The following FOXP2 variants were observed in gnomAD, a reference collection of about 807,000 sequenced individuals.
FOXP2 encodes forkhead box P2, also known as forkhead box protein P2.
In FOXP2, 12 loss-of-function variants were observed where a neutral mutation model predicts 115.8. That is an observed-to-expected ratio of 0.10 (90% confidence interval 0.07 to 0.17). The LOEUF (loss-of-function observed/expected upper bound fraction) is 0.17. Ranked by LOEUF, FOXP2 falls within the 10% of genes least tolerant of loss-of-function variation. FOXP2 has a pLI of 1.00. For synonymous variants in FOXP2, 328 were observed against 297.7 expected (o/e 1.10, Z -1.05); for missense variants, 629 against 843.5 (o/e 0.75, Z 3.15).
intron 3 of FOXP2, among the ~76,000 whole-genome samples, chr7:114,557,508 G>A (rs1800523045): frequency 6.6e-6 from 1 of 151,444 alleles, no homozygotes; most frequent in South Asian, 2.1e-4. Flanking sequence ...ATTTTTTTCT[G>A]ACTCCCAAAT....
intron 2 of FOXP2, among the ~76,000 whole-genome samples, chr7:114,463,786 T>A (rs1795685973): frequency 6.6e-6 from 1 of 152,112 alleles, no homozygotes; most frequent in African/African-American, 2.4e-5. Flanking sequence ...GAATGGTAAG[T>A]CCAGGTAAAA....
At chr7:114,236,076 T>C (rs1378046765) in intron 1 of FOXP2, among the ~76,000 whole-genome samples, 1 of 152,214 alleles carries the variant, frequency 6.6e-6, no homozygotes, top group Non-Finnish European at 1.5e-5. Flanking sequence ...TCCCTGCACA[T>C]AGAAACTGCT....
chr7:114,211,154 C>G (rs765398239), intron 1 of FOXP2, among the ~76,000 whole-genome samples: 13 of 152,184 alleles, frequency 8.5e-5, no homozygotes, highest in Non-Finnish European at 1.9e-4. Flanking sequence ...AATTGGGGTC[C>G]ACAGAACAAC....
At chr7:114,140,340 A>C (rs571090081) in intron 1 of FOXP2, among the ~76,000 whole-genome samples, 111 of 152,266 alleles carry the variant, frequency 7.3e-4, no homozygotes, top group African/African-American at 2.6e-3. Context: ...GCAGAGACAA[A>C]TAATCTGCCT....
rs145553891 is a variant in FOXP2, at chr7:114,486,362, C to T, written c.169-48255C>T. On this transcript the variant is annotated intron_variant, in intron 2 of 16. Coordinates refer to ENST00000350908, the MANE Select transcript of FOXP2 (RefSeq NM_014491.4). ...AAGAAGAGGATGGGAAAAACCCACC[C>T]CCATGACTTACTTACCCCCACCAGT... 5.8e-3 allele frequency among the ~76,000 whole-genome samples: 888 copies of T among 152,166 alleles called. 7 individuals carry two copies. The highest frequency in any genetic ancestry group is 0.02 in the African/African-American group (824 of 41,534).
At chr7:114,475,629 A>G (rs1796222922) in intron 2 of FOXP2, among the ~76,000 whole-genome samples, 1 of 152,064 alleles carries the variant, frequency 6.6e-6, no homozygotes, top group African/African-American at 2.4e-5. Context: ...TGGTGCCTTA[A>G]AAGTAAAACA....
intron 2 of FOXP2, among the ~76,000 whole-genome samples, chr7:114,533,337 G>A (rs143614590): frequency 1.0e-3 from 152 of 151,900 alleles, no homozygotes; most frequent in Non-Finnish European, 1.9e-3. Flanking sequence ...AATTGATCAG[G>A]GGATGACTGC....
At chr7:114,470,372 T>C (rs1055467383) in intron 2 of FOXP2, among the ~76,000 whole-genome samples, 2 of 152,206 alleles carry the variant, frequency 1.3e-5, no homozygotes, top group Non-Finnish European at 2.9e-5. Flanking sequence ...TCCCTTCTTT[T>C]CAGAGCTTTA....
intron 2 of FOXP2, among the ~76,000 whole-genome samples, chr7:114,349,594 A>G (rs1476360679): frequency 6.6e-6 from 1 of 152,088 alleles, no homozygotes; most frequent in Non-Finnish European, 1.5e-5. Context: ...TGTGTTATTT[A>G]AAGGACAATA....
chr7:114,188,165 C>G (rs1005642706), intron 1 of FOXP2, among the ~76,000 whole-genome samples: 2 of 152,180 alleles, frequency 1.3e-5, no homozygotes, highest in African/African-American at 4.8e-5. Flanking sequence ...AGTCATGGTG[C>G]TCTACTAAAA....
chr7:114,287,356 T>C (rs1796492055), intron 1 of FOXP2, among the ~76,000 whole-genome samples: 1 of 152,086 alleles, frequency 6.6e-6, no homozygotes, highest in Admixed American at 6.6e-5. Flanking sequence ...TGGACAAGAC[T>C]GAGCTATATA....
intron 16 of FOXP2, among the ~76,000 whole-genome samples, chr7:114,674,143 A>G (rs1807637679): frequency 6.6e-6 from 1 of 152,260 alleles, no homozygotes; most frequent in Admixed American, 6.5e-5. Flanking sequence ...ATTATCTGAA[A>G]ATAATATTCC....
chr7:114,658,085 T>C lies in FOXP2; in HGVS notation c.1286T>C (p.Val429Ala). The C allele has an allele frequency of 1.2e-6, 2 of 1,613,854 alleles. No homozygotes were observed. Among genetic ancestry groups the C allele is most frequent in the Non-Finnish European group, 1.7e-6 (2 of 1,179,828 alleles). ...SPKPLNLVSS[V>A]TMSKNMLETS... is the part of the protein sequence containing the mutation. ...TTGCAGCTAAATCTGGTGTCTAGTG[T>C]CACCATGTCGAAGAATATGTTGGAG... The change falls in exon 11 of 17, where the codon GTC (valine) becomes GCC (alanine). Residue 429 changes from valine to alanine, a missense_variant. Physicochemically the swap from Val to Ala is moderately conservative, Grantham distance 64. Coordinates refer to ENST00000350908, the MANE Select transcript of FOXP2 (RefSeq NM_014491.4).
At chr7:114,454,205 G>A (rs1230537184) in intron 2 of FOXP2, among the ~76,000 whole-genome samples, 7 of 151,834 alleles carry the variant, frequency 4.6e-5, no homozygotes, top group South Asian at 2.1e-4. Flanking sequence ...AAAAGTGGGT[G>A]AAGGACATGA....
At chr7:114,086,499 C>A (rs528760373), upstream of FOXP2, 46 of 353,830 alleles carry the variant, frequency 1.3e-4, no homozygotes, top group African/African-American at 9.9e-4. Context: ...GCGCGCCCCC[C>A]ACTCGCGGCA....
chr7:114,131,823 G>T (rs927658561), intron 1 of FOXP2, among the ~76,000 whole-genome samples: 1 of 152,132 alleles, frequency 6.6e-6, no homozygotes, highest in Non-Finnish European at 1.5e-5. Flanking sequence ...CATTCACATA[G>T]GGTAGTTATA....
chr7:114,414,702 T>C (rs1394644711), upstream of FOXP2: 5 of 170,450 alleles, frequency 2.9e-5, no homozygotes, highest in Non-Finnish European at 6.4e-5. Context: ...GGTTTGCTTA[T>C]TTTTGTAAAC....
intron 8 of FOXP2, among the ~76,000 whole-genome samples, chr7:114,647,849 T>C (rs1432775659): frequency 6.6e-6 from 1 of 152,006 alleles, no homozygotes; most frequent in Non-Finnish European, 1.5e-5. Flanking sequence ...TAACATTCCA[T>C]TTAGCAGACA....
chr7:114,240,367 G>A (rs1025710214), intron 1 of FOXP2, among the ~76,000 whole-genome samples: 6 of 151,774 alleles, frequency 4.0e-5, no homozygotes, highest in Admixed American at 6.6e-5. Context: ...TAATATAATG[G>A]CCTGACATAT....
Sources: gnomAD v4.1 joint callset for allele counts (sites outside exome capture counted in the v4.1 genomes callset) on GRCh38, gnomAD v4.1.1 for gene constraint, MANE v1.5 for transcripts, NCBI Gene and HGNC (gene_info 2026-07-23, HGNC 2026-07-21) for gene names.